Variants in CFAP299 observed in about 807,000 individuals in gnomAD.
The protein encoded by CFAP299 is cilia and flagella associated protein 299, also known as cilia- and flagella-associated protein 299.
In CFAP299, 21 loss-of-function variants were observed where a neutral mutation model predicts 27.0. The observed-to-expected ratio is 0.78, with a 90% CI of 0.55 to 1.12. The LOEUF (loss-of-function observed/expected upper bound fraction) is 1.12. CFAP299 is among the 50% of genes most tolerant of loss of function. The pLI, the probability that CFAP299 is intolerant of heterozygous loss-of-function variation, is 0.00. For missense variants in CFAP299, 310 were observed against 276.6 expected (o/e 1.12, Z -0.86); for synonymous variants, 104 against 98.1 (o/e 1.06, Z -0.36).
chr4:80,580,482 T>C (rs1272642396), intron 2 of CFAP299, among the ~76,000 whole-genome samples: 2 of 151,842 alleles, frequency 1.3e-5, no homozygotes, highest in Non-Finnish European at 2.9e-5. Flanking sequence ...TTCCTTCAAC[T>C]GTAATTTTTA....
At chr4:80,654,687 T>G (rs1202247492) in intron 3 of CFAP299, among the ~76,000 whole-genome samples, 1 of 151,996 alleles carries the variant, frequency 6.6e-6, no homozygotes, top group Non-Finnish European at 1.5e-5. Flanking sequence ...GATCATAGCT[T>G]ACTGCAATCT....
At chr4:80,749,168 T>C (rs1355078361) in intron 3 of CFAP299, among the ~76,000 whole-genome samples, 3 of 152,198 alleles carry the variant, frequency 2.0e-5, no homozygotes, top group Admixed American at 2.0e-4. Context: ...AGTTTGAGAA[T>C]CATGAATAGT....
intron 2 of CFAP299, among the ~76,000 whole-genome samples, chr4:80,578,979 A>C (rs970352195): frequency 1.3e-5 from 2 of 152,184 alleles, no homozygotes; most frequent in South Asian, 2.1e-4. Context: ...TTTCCAGAAA[A>C]GTGAACAAAT....
intron 1 of CFAP299, among the ~76,000 whole-genome samples, chr4:80,359,945 T>C (rs1723460174): frequency 6.6e-6 from 1 of 152,208 alleles, no homozygotes; most frequent in South Asian, 2.1e-4. Flanking sequence ...TTTCACACCC[T>C]TGTGGGCTTA....
At chr4:80,822,035 T>C (rs2110124867) in intron 3 of CFAP299, among the ~76,000 whole-genome samples, 1 of 152,252 alleles carries the variant, frequency 6.6e-6, no homozygotes. Flanking sequence ...CCTCTGTAGG[T>C]AGTCATCCCC....
chr4:80,431,410 TCCTC>T (rs1002170508), intron 2 of CFAP299, among the ~76,000 whole-genome samples: 2 of 144,806 alleles, frequency 1.4e-5, no homozygotes, highest in East Asian at 2.2e-4. Flanking sequence ...CTTTCTTCCT[TCCTC>T]CCTCCTTTTT....
chr4:80,335,853 A>C lies in CFAP299; in HGVS notation c.85A>C (p.Thr29Pro). 6.2e-7 allele frequency: 1 copy of C among 1,611,648 alleles called. No homozygotes were observed. Among genetic ancestry groups the C allele is most frequent in the Non-Finnish European group, 8.5e-7 (1 of 1,177,694 alleles). The change falls in exon 1 of 6, where the codon ACT becomes CCT. Residue 29 changes from threonine to proline, a missense_variant. Transcript: ENST00000358105. ...TGAAGATTTCCTGGACTCGCAGATC[A>C]CTACTGTGGACTTGTACTACCTGGA... ...AYEDFLDSQI[T>P]TVDLYYLEDE...
At chr4:80,616,420 T>C (rs1214980727) in intron 3 of CFAP299, among the ~76,000 whole-genome samples, 3 of 151,904 alleles carry the variant, frequency 2.0e-5, no homozygotes, top group Non-Finnish European at 2.9e-5. Context: ...TAAGTATATA[T>C]TATGTATTAT....
intron 3 of CFAP299, among the ~76,000 whole-genome samples, chr4:80,639,513 C>T (rs1401752408): frequency 5.9e-5 from 9 of 152,088 alleles, no homozygotes; most frequent in Admixed American, 5.9e-4. Flanking sequence ...AGTTTTAAGA[C>T]AGTGACAGAA....
At chr4:80,337,468 GCTCACTGCAACCTCCGCTCC>G (rs1722208717) in intron 1 of CFAP299, among the ~76,000 whole-genome samples, 1 of 151,754 alleles carries the variant, frequency 6.6e-6, no homozygotes, top group African/African-American at 2.4e-5. Context: ...CCCCATCTCG[GCTCACTGCAACCTCCGCTCC>G]CCAGGTTCAA....
At chr4:80,424,801 C>T (rs115022317) in intron 2 of CFAP299, among the ~76,000 whole-genome samples, 1,701 of 152,268 alleles carry the variant, frequency 0.011, 40 homozygotes, top group African/African-American at 0.038. Context: ...TTAAGAACCT[C>T]TTCTCTACCC....
Position 80,825,607 on chromosome 4 carries a change from A to G in CFAP299, c.334-44386A>G, listed in dbSNP as rs79018059. Among the ~76,000 whole-genome samples the G allele has an allele frequency of 8.7e-3, 1,327 of 152,100 alleles. 9 individuals carry two copies. Among genetic ancestry groups the G allele is most frequent in the Middle Eastern group, 0.014 (4 of 294 alleles). On this transcript the variant is annotated intron_variant, in intron 3 of 5. Transcript: ENST00000358105. ...AGTGAACTAATTTTAAAGGTGCTCA[A>G]ATAAAAAAAAAGTCAACCAAGAATC... is the stretch of plus-strand genomic sequence containing the variant.
intron 2 of CFAP299, among the ~76,000 whole-genome samples, chr4:80,363,291 A>G (rs1201178106): frequency 6.6e-6 from 1 of 152,196 alleles, no homozygotes; most frequent in Non-Finnish European, 1.5e-5. Flanking sequence ...CAACTTTTTA[A>G]TCACTAACTT....
intron 2 of CFAP299, among the ~76,000 whole-genome samples, chr4:80,389,776 A>G (rs1725225064): frequency 6.6e-6 from 1 of 152,194 alleles, no homozygotes; most frequent in Non-Finnish European, 1.5e-5. Context: ...AGACAGTACT[A>G]AAATCCTTAT....
rs140243795 is a variant in CFAP299 at position 80,361,801 on chromosome 4, T to C, written c.112-953T>C. On this transcript the variant is annotated intron_variant, in intron 1 of 5. Transcript: ENST00000358105. Reference sequence around the variant, plus strand: ...GTTTGAATAGACTGTTAACTAGACATCTTAAGTTTTCTCCTTTAACTGTTA... The same window carrying C: ...GTTTGAATAGACTGTTAACTAGACACCTTAAGTTTTCTCCTTTAACTGTTA... Among the ~76,000 whole-genome samples, 280 of 152,312 alleles carry C rather than the reference T, an allele frequency of 1.8e-3. 3 individuals carry two copies. Among genetic ancestry groups the C allele is most frequent in the African/African-American group, 6.6e-3 (276 of 41,578 alleles).
chr4:80,323,606 AATTG>A, the CFAP299 span, among the ~76,000 whole-genome samples: 1,798 of 152,316 alleles, frequency 0.012, 33 homozygotes, highest in African/African-American at 0.038. Flanking sequence ...TACTAATTAG[AATTG>A]ATTAACATAT....
chr4:80,901,698 C>T (rs1234027956), intron 4 of CFAP299, among the ~76,000 whole-genome samples: 3 of 152,056 alleles, frequency 2.0e-5, no homozygotes, highest in Non-Finnish European at 2.9e-5. Context: ...ATTATTGATG[C>T]TTTATCCTTT....
intron 3 of CFAP299, among the ~76,000 whole-genome samples, chr4:80,786,243 C>A (rs1207416410): frequency 6.6e-6 from 1 of 151,902 alleles, no homozygotes; most frequent in Non-Finnish European, 1.5e-5. Context: ...AAGAAGATAA[C>A]CTTAGTGTAA....
At chr4:80,583,716 C>T (rs902882763) in intron 3 of CFAP299, among the ~76,000 whole-genome samples, 14 of 151,732 alleles carry the variant, frequency 9.2e-5, no homozygotes, top group Admixed American at 2.0e-4. Context: ...GTAGAGAATG[C>T]GAATATTATT....
Sources: gnomAD v4.1 joint callset for allele counts (sites outside exome capture counted in the v4.1 genomes callset) on GRCh38, gnomAD v4.1.1 for gene constraint, MANE v1.5 for transcripts, NCBI Gene and HGNC (gene_info 2026-07-23, HGNC 2026-07-21) for gene names.